MAB21L4: variants seen among roughly 807,000 people sequenced by gnomAD.
The protein encoded by MAB21L4 is protein mab-21-like 4.
In MAB21L4, 25 loss-of-function variants were observed where a neutral mutation model predicts 32.4. That is an observed-to-expected ratio of 0.77 (90% CI 0.56 to 1.08). The LOEUF (loss-of-function observed/expected upper bound fraction) is 1.08. Ranked by LOEUF, MAB21L4 falls within the 50% of genes least tolerant of loss-of-function variation. The probability of loss-of-function intolerance (pLI) is 0.00; values close to 1 mark genes in which losing one functional copy is unlikely to be tolerated. For missense variants in MAB21L4, 638 were observed against 611.0 expected, an observed-to-expected ratio of 1.04 and a Z score of -0.47; for synonymous variants, 280 against 276.8, an observed-to-expected ratio of 1.01 and a Z score of -0.11.
Position 240,895,875 on chromosome 2 carries a change from G to C in MAB21L4, c.123C>G (p.Asn41Lys), listed in dbSNP as rs780027347. ...CGCGCTCCAGCACCGTGAGCAGCAC[G>C]TTCTCTGCGCGCTGGAAGTCCTGGG... ...PRAQDFQRAE[N>K]VLLTVLERVH... Residue 41 changes from asparagine to lysine, a missense_variant, in exon 1 of 5, where the codon AAC becomes AAG. By Grantham distance (94) the Asn-to-Lys change is moderately conservative (BLOSUM62 0). Transcript: ENST00000388934. The C allele has an allele frequency of 1.4e-5, 22 of 1,548,710 alleles. No homozygotes were observed. Among genetic ancestry groups the C allele is most frequent in the Middle Eastern group, 3.6e-4 (2 of 5,496 alleles).
intron 4 of MAB21L4, 95 bp from the exon 5 acceptor site, chr2:240,887,257 C>G: frequency 9.7e-7 from 1 of 1,033,950 alleles, no homozygotes; most frequent in Middle Eastern, 2.1e-4. Flanking sequence ...ACAACTGGCC[C>G]TCCCTGGGCC....
chr2:240,894,954 C>T (rs573450071), intron 1 of MAB21L4, among the ~76,000 whole-genome samples: 3 of 152,376 alleles, frequency 2.0e-5, no homozygotes, highest in East Asian at 1.9e-4. Flanking sequence ...CACGCATTCA[C>T]ACCCCTGCAC....
intron 4 of MAB21L4, among the ~76,000 whole-genome samples, chr2:240,887,819 G>A (rs2106436442): frequency 6.6e-6 from 1 of 152,314 alleles, no homozygotes; most frequent in East Asian, 1.9e-4. Flanking sequence ...GGGGCAGTTG[G>A]TGGAGCCTCC....
rs1486665578 is a variant in MAB21L4 at position 240,895,464 on chromosome 2, A to C, written c.514+20T>G. ...CCTCGGTACACGCAGATACGCGTGC[A>C]GAGTGGGCTGTGCCTGTACCTGGTG... On this transcript the variant is annotated intron_variant, in intron 1 of 4. Transcript: ENST00000388934. The C allele has an allele frequency of 1.3e-6, 2 of 1,511,022 alleles. No individual in the cohort carries two copies. Among genetic ancestry groups the C allele is most frequent in the Non-Finnish European group, 1.8e-6 (2 of 1,121,494 alleles). The allele number at this position is 1,511,022 out of a possible 1,614,324, so 93.6% of individuals were successfully genotyped here.
At chr2:240,889,470 C>T (rs1420325703) in intron 3 of MAB21L4, among the ~76,000 whole-genome samples, 1 of 152,180 alleles carries the variant, frequency 6.6e-6, no homozygotes, top group African/African-American at 2.4e-5. Context: ...CCTGCTTCCT[C>T]GGGGTTGGGG....
intron 1 of MAB21L4, among the ~76,000 whole-genome samples, chr2:240,895,200 A>T (rs540149173): frequency 6.6e-6 from 1 of 152,190 alleles, no homozygotes; most frequent in African/African-American, 2.4e-5. Context: ...GTGCAAACAC[A>T]CACGACACGG....
chr2:240,891,969 C>T (rs1294921007), intron 1 of MAB21L4: 5 of 1,545,822 alleles, frequency 3.2e-6, no homozygotes, highest in African/African-American at 1.4e-5. Flanking sequence ...GAGGAGCTGG[C>T]CACCATGCCT....
chr2:240,891,997 C>A, intron 1 of MAB21L4: 1 of 1,517,528 alleles, frequency 6.6e-7, no homozygotes. Context: ...GGTGACAGTC[C>A]TCGGCACAAC....
chr2:240,889,708 C>T (rs1290758691), intron 3 of MAB21L4, among the ~76,000 whole-genome samples: 1 of 152,136 alleles, frequency 6.6e-6, no homozygotes, highest in Non-Finnish European at 1.5e-5. Flanking sequence ...TCTGTGAGGC[C>T]CCACCCTGAG....
chr2:240,891,971 A>T, intron 1 of MAB21L4: 1 of 1,544,734 alleles, frequency 6.5e-7, no homozygotes, highest in Non-Finnish European at 8.7e-7. Flanking sequence ...GGAGCTGGCC[A>T]CCATGCCTGC....
At chr2:240,894,034 TG>T (rs1350042027) in intron 1 of MAB21L4, among the ~76,000 whole-genome samples, 1 of 151,978 alleles carries the variant, frequency 6.6e-6, no homozygotes, top group Non-Finnish European at 1.5e-5. Flanking sequence ...TAGACAGGTC[TG>T]GGGAGGGCTT....
intron 1 of MAB21L4, among the ~76,000 whole-genome samples, chr2:240,893,761 T>TCTCTG (rs145185192): frequency 6.6e-6 from 1 of 152,114 alleles, no homozygotes; most frequent in African/African-American, 2.4e-5. Context: ...GTGAGGAGCC[T>TCTCTG]GGCGGCTTAG....
Position 240,886,208 on chromosome 2 carries a change from G to A in MAB21L4, c.*862C>T, listed in dbSNP as rs539148536. ...GGAAGAGAGCAAAAGGAGAGGGGGA[G>A]GGGCCACACACTCAAAAAACCAGAT... On this transcript the variant is annotated 3_prime_UTR_variant, in exon 5 of 5. Coordinates refer to ENST00000388934, the MANE Select transcript of MAB21L4 (RefSeq NM_001085437.3). 1.3e-5 allele frequency: 2 copies of A among 152,286 alleles called. No individual in the cohort carries two copies. Among genetic ancestry groups the A allele is most frequent in the African/African-American group, 2.4e-5 (1 of 41,452 alleles). 9.4% of individuals were successfully genotyped at this position (152,286 alleles called of 1,614,324 possible).
Position 240,890,083 on chromosome 2 carries a change from G to A in MAB21L4, c.816C>T (p.Leu272=), listed in dbSNP as rs1016309861. Residue 272 remains leucine, a synonymous_variant, in exon 3 of 5, where the codon CTC becomes CTT. Coordinates refer to ENST00000388934, the MANE Select transcript of MAB21L4 (RefSeq NM_001085437.3). ...CGTGGTTGACCCGGTCGAGGATGGA[G>A]AGGCTGTCCAGGCGATGACCCTGCA... ...GSLQGHRLDS[L]SILDRVNHES... 2 of 1,613,314 alleles carry A rather than the reference G, an allele frequency of 1.2e-6. No individual in the cohort carries two copies. Among genetic ancestry groups the A allele is most frequent in the African/African-American group, 1.3e-5 (1 of 74,942 alleles).
At chr2:240,888,211 T>TGGGCAGGGAGCCA in intron 4 of MAB21L4, 81 bp downstream of exon 4, 1 of 1,158,064 alleles carries the variant, frequency 8.6e-7, no homozygotes, top group East Asian at 2.7e-5. Context: ...TGGGAGAGAA[T>TGGGCAGGGAGCCA]GGGCAGGGAG....
At position 240,890,050 on chromosome 2, in the gene MAB21L4, C is replaced by G. The variant is rs1450869117; in HGVS notation, c.849G>C (p.Trp283Cys). 6.2e-7 allele frequency: 1 copy of G among 1,613,428 alleles called. No homozygotes were observed. Among genetic ancestry groups the G allele is most frequent in the Non-Finnish European group, 8.5e-7 (1 of 1,179,622 alleles). Residue 283 changes from tryptophan (W) to cysteine (C), a missense_variant, in exon 3 of 5, where the codon TGG becomes TGC. Trp to Cys is a radical substitution (Grantham distance 215, BLOSUM62 -2). Transcript: ENST00000388934. Reference protein sequence around the residue: ...SILDRVNHESWRDSGQTDGLT... With the variant: ...SILDRVNHESCRDSGQTDGLT... ...GGCCGTCAGTCTGGCCACTGTCACG[C>G]CAGCTCTCGTGGTTGACCCGGTCGA...
chr2:240,891,957 G>T lies in MAB21L4; in HGVS notation c.515-194C>A, dbSNP rs772529213. On this transcript the variant is annotated intron_variant, in intron 1 of 4. Transcript: ENST00000388934. ...GTGTCCATCCCTGGACCTCAGCCAA[G>T]TGAGGAGCTGGCCACCATGCCTGCC... 7.1e-6 allele frequency: 11 copies of T among 1,554,156 alleles called. 1 individual carries two copies. The South Asian group carries it at 1.2e-4, about 17-fold the overall frequency.
chr2:240,892,572 G>A (rs923036426), intron 1 of MAB21L4, among the ~76,000 whole-genome samples: 1 of 152,040 alleles, frequency 6.6e-6, no homozygotes, highest in Admixed American at 6.5e-5. Flanking sequence ...GGCCACCGCC[G>A]TTTCTGGGCT....
intron 1 of MAB21L4, among the ~76,000 whole-genome samples, chr2:240,893,736 A>G (rs2059169045): frequency 6.6e-6 from 1 of 152,166 alleles, no homozygotes; most frequent in African/African-American, 2.4e-5. Flanking sequence ...CTTTCTCAGG[A>G]GGCACTCTGG....
Sources: allele counts gnomAD v4.1 joint callset (sites outside exome capture counted in the v4.1 genomes callset), GRCh38; gene constraint gnomAD v4.1.1; transcripts MANE v1.5; gene names NCBI Gene and HGNC (gene_info 2026-07-23, HGNC 2026-07-21).